SMYD3: variants seen among roughly 807,000 people sequenced by gnomAD.
SMYD3 encodes the protein SET and MYND domain containing 3.
SMYD3 carries 36 observed loss-of-function variants against 57.7 expected under a neutral mutation model. The ratio of observed to expected loss-of-function variants is 0.62; its 90% CI spans 0.48 to 0.82. The LOEUF (loss-of-function observed/expected upper bound fraction) is 0.82, where lower values mean the gene tolerates loss of function less well. SMYD3 is among the 40% of genes least tolerant of loss of function. The pLI is 0.00. For missense variants in SMYD3, 515 were observed against 538.8 expected, an observed-to-expected ratio of 0.96 and a Z score of 0.44; for synonymous variants, 211 against 195.0, an observed-to-expected ratio of 1.08 and a Z score of -0.68.
intron 8 of SMYD3, among the ~76,000 whole-genome samples, chr1:245,896,233 A>C (rs2053771427): frequency 6.6e-6 from 1 of 152,128 alleles, no homozygotes; most frequent in South Asian, 2.1e-4. Flanking sequence ...CTTTGCCTCC[A>C]AAGACTTAGA....
Position 245,915,525 on chromosome 1 carries a change from C to G in SMYD3, c.813+5G>C. Reference sequence around the variant, plus strand: ...GGTGTTTCAATCTGGTTCCATACTACATACCTTGTCCTGGGTTTGGCAACG... The same window carrying G: ...GGTGTTTCAATCTGGTTCCATACTAGATACCTTGTCCTGGGTTTGGCAACG... On this transcript the variant is annotated splice_donor_5th_base_variant and intron_variant, in intron 8 of 11. Coordinates refer to ENST00000490107, the MANE Select transcript of SMYD3 (RefSeq NM_001167740.2). 6.2e-7 allele frequency: 1 copy of G among 1,600,926 alleles called. No individual in the cohort carries two copies. Among genetic ancestry groups the G allele is most frequent in the Non-Finnish European group, 8.6e-7 (1 of 1,168,266 alleles).
intron 2 of SMYD3, among the ~76,000 whole-genome samples, chr1:246,336,543 T>C (rs1220538808): frequency 1.3e-5 from 2 of 152,188 alleles, no homozygotes; most frequent in African/African-American, 4.8e-5. Context: ...AGTAAAGATG[T>C]GTATGAAATA....
rs2059680006 is a variant in SMYD3, at chr1:246,031,736, C to CAA, written c.532-101800_532-101799insTT. Among the ~76,000 whole-genome samples the CAA allele has an allele frequency of 9.6e-4, 64 of 66,960 alleles. 1 individual carries two copies. Among genetic ancestry groups the CAA allele is most frequent in the African/African-American group, 5.6e-3 (62 of 11,072 alleles). 43.9% of individuals were successfully genotyped at this position (66,960 alleles called of 152,430 possible). A position where few individuals can be genotyped will look rare whatever the true frequency, so the allele number is the denominator to read the frequency against. On this transcript the variant is annotated intron_variant, in intron 5 of 11. Transcript: ENST00000490107. ...TGGGCGACAGAGCGAGACTTTGTCT[C>CAA]GAAAAAAAAAAAAAAAGTTAGTGAA...
intron 1 of SMYD3, among the ~76,000 whole-genome samples, chr1:246,468,022 G>A (rs1022529718): frequency 4.0e-5 from 6 of 151,658 alleles, no homozygotes; most frequent in Non-Finnish European, 4.4e-5. Context: ...TTAGGCGGGC[G>A]TGGTGGCACA....
intron 5 of SMYD3, among the ~76,000 whole-genome samples, chr1:246,070,234 G>A (rs559337941): frequency 6.6e-6 from 1 of 152,220 alleles, no homozygotes; most frequent in East Asian, 1.9e-4. Context: ...CATCCTGAGG[G>A]CTGAACTGAT....
rs1389105256 is a variant in SMYD3 at position 245,856,690 on chromosome 1, G to A, written c.1076+1806C>T. ...CGTGTAGGTGTGTGGTCTTCTTTAT[G>A]GATGTGGTGGACCCATGTAAAGTTT... On this transcript the variant is annotated intron_variant, in intron 10 of 11. Transcript: ENST00000490107. Among the ~76,000 whole-genome samples, 5 of 152,196 alleles carry A rather than the reference G, an allele frequency of 3.3e-5. 1 individual carries two copies. Among genetic ancestry groups the A allele is most frequent in the Admixed American group, 2.6e-4 (4 of 15,282 alleles).
In SMYD3 at chr1:246,098,572, T is replaced by C. The variant is rs1255987696; in HGVS notation, c.532-168635A>G. Among the ~76,000 whole-genome samples, 3 of 152,326 alleles carry C rather than the reference T, an allele frequency of 2.0e-5. No homozygotes were observed. The East Asian group carries it at 5.8e-4, about 29-fold the overall frequency. On this transcript the variant is annotated intron_variant, in intron 5 of 11. Coordinates refer to ENST00000490107, the MANE Select transcript of SMYD3 (RefSeq NM_001167740.2). The stretch of plus-strand genomic sequence containing the variant: ...GGAATATTTTATTTCATTTACAAAA[T>C]AAATGTATGAAGATGACAAAATCTT...
chr1:246,369,299 A>G (rs1446314596), intron 1 of SMYD3, among the ~76,000 whole-genome samples: 2 of 152,228 alleles, frequency 1.3e-5, no homozygotes, highest in African/African-American at 4.8e-5. Flanking sequence ...ATACTAATAT[A>G]TTAACTAGTT....
At chr1:246,095,476 C>G (rs1017879749) in intron 5 of SMYD3, among the ~76,000 whole-genome samples, 1 of 152,146 alleles carries the variant, frequency 6.6e-6, no homozygotes, top group Admixed American at 6.5e-5. Context: ...TCTTTGGGAG[C>G]ACAGATTAGG....
At chr1:246,162,871 C>G (rs977821028) in intron 5 of SMYD3, among the ~76,000 whole-genome samples, 3 of 152,172 alleles carry the variant, frequency 2.0e-5, no homozygotes, top group African/African-American at 7.2e-5. Context: ...TAGAGCACAA[C>G]CAACTTAATA....
chr1:246,026,907 CAT>C, intron 5 of SMYD3, among the ~76,000 whole-genome samples: 1 of 152,296 alleles, frequency 6.6e-6, no homozygotes, highest in African/African-American at 2.4e-5. Flanking sequence ...CTGAAAGACA[CAT>C]GTGTTGCACA....
intron 11 of SMYD3, among the ~76,000 whole-genome samples, chr1:245,761,969 G>A (rs2045863977): frequency 1.3e-5 from 2 of 151,820 alleles, no homozygotes; most frequent in Admixed American, 6.6e-5. Flanking sequence ...TATTTTTGTA[G>A]AGACGGGATT....
intron 8 of SMYD3, among the ~76,000 whole-genome samples, chr1:245,869,942 C>T (rs1206365884): frequency 1.3e-5 from 2 of 152,192 alleles, no homozygotes; most frequent in South Asian, 2.1e-4. Flanking sequence ...TAGCCTGGCC[C>T]TCCAGGCCCC....
intron 5 of SMYD3, among the ~76,000 whole-genome samples, chr1:246,125,792 C>T (rs1023824786): frequency 6.6e-6 from 1 of 152,018 alleles, no homozygotes; most frequent in Non-Finnish European, 1.5e-5. Flanking sequence ...GGCAATATGG[C>T]TATGAACCTT....
chr1:245,863,661 C>T lies in SMYD3; in HGVS notation c.901+138G>A, dbSNP rs2051673746. 1.1e-5 allele frequency: 8 copies of T among 720,354 alleles called. No individual in the cohort carries two copies. The South Asian group carries it at 1.1e-4, about 10-fold the overall frequency. 44.6% of individuals were successfully genotyped at this position (720,354 alleles called of 1,614,324 possible). ...CTGCTGGCCAGGGTCGGAGGTGCGG[C>T]CTGTGACCATGGAACAGAATGAAAA... On this transcript the variant is annotated intron_variant, in intron 9 of 11. Transcript: ENST00000490107.
In SMYD3 at chr1:246,374,298, ATT is replaced by A. The variant is rs1211929316; in HGVS notation, c.165-19206_165-19205del. On this transcript the variant is annotated intron_variant, in intron 1 of 11. Transcript: ENST00000490107. The stretch of plus-strand genomic sequence containing the variant: ...TTTGCAAATTCACTTATTCACTTAT[ATT>A]TATCTGTAACTCCAAAATCAACAGT... 8.5e-5 allele frequency among the ~76,000 whole-genome samples: 13 copies of A among 152,256 alleles called. No individual in the cohort carries two copies. In the East Asian group the frequency reaches 2.5e-3, roughly 29 times the overall value.
intron 5 of SMYD3, among the ~76,000 whole-genome samples, chr1:246,161,626 T>C (rs1231049134): frequency 2.6e-5 from 4 of 152,254 alleles, no homozygotes; most frequent in African/African-American, 7.2e-5. Context: ...CCACAGAGCC[T>C]AGCAGTAAAC....
At chr1:246,103,960 G>A (rs2061069899) in intron 5 of SMYD3, among the ~76,000 whole-genome samples, 1 of 152,108 alleles carries the variant, frequency 6.6e-6, no homozygotes, top group African/African-American at 2.4e-5. Context: ...GTTCAGATGG[G>A]CCATTCTTCT....
At chr1:246,430,895 G>C (rs1416075631) in intron 1 of SMYD3, among the ~76,000 whole-genome samples, 1 of 152,078 alleles carries the variant, frequency 6.6e-6, no homozygotes, top group Non-Finnish European at 1.5e-5. Flanking sequence ...CACAACAAGA[G>C]GAAGGAAAAC....
Sources: allele counts gnomAD v4.1 joint callset (sites outside exome capture counted in the v4.1 genomes callset), GRCh38; gene constraint gnomAD v4.1.1; transcripts MANE v1.5; gene names NCBI Gene and HGNC (gene_info 2026-07-23, HGNC 2026-07-21).